The following ECPAS variants were observed in gnomAD, a reference collection of about 807,000 sequenced individuals.
ECPAS encodes Ecm29 proteasome adaptor and scaffold.
A neutral mutation model predicts 255.1 loss-of-function variants in ECPAS; 70 were observed. The observed-to-expected ratio is 0.27, with a 90% CI of 0.23 to 0.33. The LOEUF is 0.33. Among genes scored for constraint, ECPAS ranks in the 10% least tolerant of loss-of-function variants. The pLI, the probability that ECPAS is intolerant of heterozygous loss-of-function variation, is 1.00. For missense variants in ECPAS, 1,817 were observed against 2,206.4 expected, an observed-to-expected ratio of 0.82 and a Z score of 3.54; for synonymous variants, 784 against 775.0, an observed-to-expected ratio of 1.01 and a Z score of -0.19.
intron 35 of ECPAS, 131 bp from the exon 36 acceptor site, chr9:111,378,861 G>A: frequency 1.2e-6 from 1 of 831,454 alleles, no homozygotes; most frequent in Non-Finnish European, 1.7e-6. Flanking sequence ...AGCCTGGTCT[G>A]GGCATTACTT....
intron 6 of ECPAS, among the ~76,000 whole-genome samples, chr9:111,437,512 T>A (rs1479636539): frequency 6.6e-6 from 1 of 152,206 alleles, no homozygotes. Context: ...AGAGTATTTT[T>A]ACAGTCATTC....
At chr9:111,483,889 T>C in intron 1 of ECPAS, 1 of 554,064 alleles carries the variant, frequency 1.8e-6, no homozygotes, top group Admixed American at 6.5e-5. Flanking sequence ...GCCGGTTTTA[T>C]ATTTAGAAAG....
chr9:111,392,815 T>C lies in ECPAS; in HGVS notation c.3045A>G (p.Gln1015=), dbSNP rs749053731. The change falls in exon 28 of 50, where the codon CAA becomes CAG. Residue 1015 remains glutamine, a synonymous_variant. Transcript: ENST00000684092. ...LVYELGNEQD[Q]QELVSTLVET... ...CCACAAGTGTAGAAACCAATTCCTG[T>C]TGATCTTGTTCATTGCCTAGTTCAT... 1 of 1,613,638 alleles carries C rather than the reference T, an allele frequency of 6.2e-7. No homozygotes were observed. The highest frequency in any genetic ancestry group is 1.3e-5 in the African/African-American group (1 of 74,930).
rs372130002 is a variant in ECPAS, at chr9:111,433,269, G to A, written c.812C>T (p.Ala271Val). ...IASSDTRHSVATAADLELKSK... is the reference protein window; with the variant it reads ...IASSDTRHSVVTAADLELKSK... ...TTTCAATTCCAGGTCTGCTGCCGTT[G>A]CCACACTGTGGCGTGTATCACTAGA... is the stretch of plus-strand genomic sequence containing the variant. Residue 271 changes from alanine to valine, a missense_variant, in exon 8 of 50, where the codon GCA (alanine) becomes GTA (valine). By Grantham distance (64) the Ala-to-Val change is moderately conservative. This residue lies in a region of ECPAS where 573 missense variants were observed against 716.2 expected (regional missense o/e 0.80). Coordinates refer to ENST00000684092, the MANE Select transcript of ECPAS (RefSeq NM_001364929.1). 4 of 1,613,964 alleles carry A rather than the reference G, an allele frequency of 2.5e-6. No homozygotes were observed. The Admixed American group carries it at 6.7e-5, about 27-fold the overall frequency.
At position 111,411,192 on chromosome 9, in the gene ECPAS, CAAG is replaced by C. The variant is rs756341931; in HGVS notation, c.2215-53_2215-51del. ...TATCTCTGGCTCTCTCTCATATACG[CAAG>C]AATACATGGCAGTAACTGTGTGTCG... On this transcript the variant is annotated intron_variant, in intron 21 of 49. Coordinates refer to ENST00000684092, the MANE Select transcript of ECPAS (RefSeq NM_001364929.1). The C allele has an allele frequency of 2.5e-6, 4 of 1,570,026 alleles. No homozygotes were observed. The Admixed American group carries it at 6.8e-5, about 27-fold the overall frequency.
At position 111,433,218 on chromosome 9, in the gene ECPAS, C is replaced by A; in HGVS notation, c.848+15G>T. 1 of 1,608,788 alleles carries A rather than the reference C, an allele frequency of 6.2e-7. No individual in the cohort carries two copies. The highest frequency in any genetic ancestry group is 8.5e-7 in the Non-Finnish European group (1 of 1,176,654). ...TAGTCCTTTCAATCTTGAAAGTTTACAGGGAAGTAGTTACCTCTGTTTGCT... is the reference window on the plus strand; with the variant it reads ...TAGTCCTTTCAATCTTGAAAGTTTAAAGGGAAGTAGTTACCTCTGTTTGCT... On this transcript the variant is annotated intron_variant, in intron 8 of 49. Transcript: ENST00000684092.
At chr9:111,449,515 G>C (rs934744611) in intron 3 of ECPAS, among the ~76,000 whole-genome samples, 2 of 151,598 alleles carry the variant, frequency 1.3e-5, no homozygotes, top group African/African-American at 4.8e-5. Context: ...TTTTAAAAAA[G>C]AATAATAGTA....
intron 20 of ECPAS, 32 bp downstream of exon 20, chr9:111,413,863 T>C: frequency 7.4e-7 from 1 of 1,349,792 alleles, no homozygotes; most frequent in South Asian, 1.4e-5. Context: ...GAAATAGAAT[T>C]TTTTTTAAAA....
chr9:111,466,423 C>T (rs775283050), intron 2 of ECPAS, among the ~76,000 whole-genome samples: 15 of 151,678 alleles, frequency 9.9e-5, no homozygotes, highest in East Asian at 5.8e-4. Context: ...CCAGCCTGGG[C>T]GACAGAGCGA....
At position 111,400,349 on chromosome 9, in the gene ECPAS, G is replaced by A. The variant is rs1452316282; in HGVS notation, c.2653-3196C>T. On this transcript the variant is annotated intron_variant, in intron 24 of 49. Coordinates refer to ENST00000684092, the MANE Select transcript of ECPAS (RefSeq NM_001364929.1). ...TGGAATAAATATTTAACTCTTCAAT[G>A]CCCAAACACTGACGAATGTTCACAA... Among the ~76,000 whole-genome samples, 4 of 152,318 alleles carry A rather than the reference G, an allele frequency of 2.6e-5. No homozygotes were observed. In the East Asian group the frequency reaches 7.7e-4, roughly 29 times the overall value.
chr9:111,461,612 A>G (rs2098273275), intron 2 of ECPAS, among the ~76,000 whole-genome samples: 1 of 152,242 alleles, frequency 6.6e-6, no homozygotes, highest in South Asian at 2.1e-4. Context: ...TGTCACTGCA[A>G]TGTAGTGAGT....
chr9:111,379,437 G>A (rs2098137817), intron 35 of ECPAS, among the ~76,000 whole-genome samples: 1 of 152,198 alleles, frequency 6.6e-6, no homozygotes, highest in South Asian at 2.1e-4. Flanking sequence ...TCAGCTTTCA[G>A]CGAGTCATTA....
chr9:111,370,573 T>C lies in ECPAS; in HGVS notation c.4836A>G (p.Gln1612=), dbSNP rs41307487. The C allele has an allele frequency of 5.7e-4, 924 of 1,611,104 alleles. 7 individuals are homozygous for C. The highest frequency in any genetic ancestry group is 9.8e-5 in the Non-Finnish European group (115 of 1,178,560). ...CTTTGCTACATTCCTTCAGAACAGCTTGAAGAATTTCATTTGTGCTGGGTT... is the reference window on the plus strand; with the variant it reads ...CTTTGCTACATTCCTTCAGAACAGCCTGAAGAATTTCATTTGTGCTGGGTT... ...PNQPSTNEIL[Q]AVLKECSKEN... The change falls in exon 45 of 50, where the codon CAA becomes CAG. Residue 1612 remains glutamine (Q), a synonymous_variant. Coordinates refer to ENST00000684092, the MANE Select transcript of ECPAS (RefSeq NM_001364929.1).
At chr9:111,458,672 T>G (rs2098269781) in intron 2 of ECPAS, among the ~76,000 whole-genome samples, 1 of 151,482 alleles carries the variant, frequency 6.6e-6, no homozygotes, top group Non-Finnish European at 1.5e-5. Flanking sequence ...AGAAATTGAG[T>G]CACATGGGCA....
At position 111,378,594 on chromosome 9, in the gene ECPAS, T is replaced by C; in HGVS notation, c.3940A>G (p.Thr1314Ala). 3 of 1,613,476 alleles carry C rather than the reference T, an allele frequency of 1.9e-6. No homozygotes were observed. The highest frequency in any genetic ancestry group is 2.5e-6 in the Non-Finnish European group (3 of 1,179,530). ...TATCCACTCACCTTTTCTTGCTCTG[T>C]CGCCCGGAGGCTCAAATAATTGAGA... Reference protein sequence around the residue: ...QVLNYLSLRATEQEKAAMDSA... With the variant: ...QVLNYLSLRAAEQEKAAMDSA... The change falls in exon 36 of 50, where the codon ACA becomes GCA. Residue 1314 changes from threonine (T) to alanine (A), a missense_variant. By Grantham distance (58) the Thr-to-Ala change is moderately conservative. Transcript: ENST00000684092.
chr9:111,382,008 AACACAC>A (rs72204951), intron 35 of ECPAS, among the ~76,000 whole-genome samples: 127 of 147,102 alleles, frequency 8.6e-4, no homozygotes, highest in African/African-American at 1.3e-3. Context: ...AATTTTGTAA[AACACAC>A]ACACACACAC....
chr9:111,420,261 G>A (rs1182360406), intron 15 of ECPAS, 141 bp from the exon 16 acceptor site: 6 of 593,994 alleles, frequency 1.0e-5, no homozygotes, highest in Admixed American at 9.7e-5. Flanking sequence ...TTTAATAAAC[G>A]TGTATCTAAA....
At chr9:111,388,950 A>G (rs374735101) in intron 31 of ECPAS, among the ~76,000 whole-genome samples, 1 of 152,264 alleles carries the variant, frequency 6.6e-6, no homozygotes, top group East Asian at 1.9e-4. Context: ...ATTTTCAAGT[A>G]AACAGTTACA....
chr9:111,397,423 A>T (rs1171607370), intron 24 of ECPAS, among the ~76,000 whole-genome samples: 1 of 152,156 alleles, frequency 6.6e-6, no homozygotes, highest in Non-Finnish European at 1.5e-5. Flanking sequence ...TGATCTCTGG[A>T]AGCATAATAT....
Sources: gnomAD v4.1 joint callset for allele counts (sites outside exome capture counted in the v4.1 genomes callset) on GRCh38, gnomAD v4.1.1 for gene constraint, gnomAD v4.1.1 regional missense constraint, MANE v1.5 for transcripts, NCBI Gene and HGNC (gene_info 2026-07-23, HGNC 2026-07-21) for gene names.